Variants in CNTN1 observed in about 807,000 individuals in gnomAD.
CNTN1 encodes contactin-1.
Under a neutral mutation model 126.4 loss-of-function variants are expected in CNTN1, and 38 were observed. The ratio of observed to expected loss-of-function variants is 0.30; its 90% CI spans 0.23 to 0.39. The LOEUF is 0.39. Ranked by LOEUF, CNTN1 falls within the 10% of genes least tolerant of loss-of-function variation. The probability of loss-of-function intolerance (pLI) is 1.00; values close to 1 mark genes in which losing one functional copy is unlikely to be tolerated. For synonymous variants in CNTN1, 413 were observed against 422.6 expected (o/e 0.98, Z 0.28); for missense variants, 1,009 against 1,248.4 (o/e 0.81, Z 2.89).
chr12:40,911,404 G>A (rs1194465584), intron 3 of CNTN1, among the ~76,000 whole-genome samples: 3 of 152,108 alleles, frequency 2.0e-5, no homozygotes, highest in South Asian at 4.1e-4. Context: ...TTACATGGCC[G>A]CAGCAAAAGA....
chr12:40,698,123 G>T (rs897032690), intron 1 of CNTN1, among the ~76,000 whole-genome samples: 16 of 151,852 alleles, frequency 1.1e-4, no homozygotes, highest in Non-Finnish European at 1.8e-4. Flanking sequence ...ATGAGAGGCA[G>T]GTTTGCCCGG....
chr12:40,941,475 T>A (rs1946261368), intron 12 of CNTN1, among the ~76,000 whole-genome samples: 1 of 152,140 alleles, frequency 6.6e-6, no homozygotes, highest in Non-Finnish European at 1.5e-5. Flanking sequence ...TATTTCTGTA[T>A]CTGGTTAGTG....
At chr12:40,855,579 T>G (rs312269) in intron 1 of CNTN1, among the ~76,000 whole-genome samples, 81,760 of 151,798 alleles carry the variant, frequency 0.54, 23,013 homozygotes, top group African/African-American at 0.73. Context: ...AAACATTTCC[T>G]ATAAGGTTTT....
At chr12:41,012,949 C>CA (rs1948697214) in intron 17 of CNTN1, among the ~76,000 whole-genome samples, 1 of 152,090 alleles carries the variant, frequency 6.6e-6, no homozygotes, top group African/African-American at 2.4e-5. Context: ...GACATGGATA[C>CA]ACACAAGGAG....
chr12:40,751,080 G>A (rs140791845), intron 1 of CNTN1, among the ~76,000 whole-genome samples: 3 of 152,138 alleles, frequency 2.0e-5, no homozygotes, highest in African/African-American at 7.2e-5. Context: ...ATGACAAAAT[G>A]GACATTTATA....
At position 40,845,709 on chromosome 12, in the gene CNTN1, A is replaced by C. The variant is rs147986701; in HGVS notation, c.-76-62648A>C. ...GAGTTATATAAACTTTTCACCAATGAGATTCAGGGAGCATCCCACTTGGTG... is the reference window on the plus strand; with the variant it reads ...GAGTTATATAAACTTTTCACCAATGCGATTCAGGGAGCATCCCACTTGGTG... On this transcript the variant is annotated intron_variant, in intron 1 of 23. Coordinates refer to ENST00000551295, the MANE Select transcript of CNTN1 (RefSeq NM_001843.4). Among the ~76,000 whole-genome samples, 43 of 152,200 alleles carry C rather than the reference A, an allele frequency of 2.8e-4. 1 individual carries two copies. In the South Asian group the frequency reaches 6.4e-3, roughly 23 times the overall value.
intron 17 of CNTN1, chr12:41,005,111 G>A (rs978289581): frequency 6.6e-6 from 1 of 152,148 alleles, no homozygotes; most frequent in Admixed American, 6.5e-5. Context: ...AGGAGCTCTG[G>A]TAAGGCAGGT....
chr12:40,698,461 C>T (rs1849961661), intron 1 of CNTN1, among the ~76,000 whole-genome samples: 1 of 151,988 alleles, frequency 6.6e-6, no homozygotes, highest in Non-Finnish European at 1.5e-5. Context: ...TGGTCTTGAT[C>T]TCCTGACCTT....
At chr12:40,984,152 CAAT>C (rs900229003) in intron 16 of CNTN1, among the ~76,000 whole-genome samples, 41 of 151,206 alleles carry the variant, frequency 2.7e-4, no homozygotes, top group African/African-American at 9.9e-4. Flanking sequence ...GTCACAAACC[CAAT>C]AATCTTATAT....
At chr12:40,882,908 T>C (rs1429607729) in intron 1 of CNTN1, among the ~76,000 whole-genome samples, 1 of 151,724 alleles carries the variant, frequency 6.6e-6, no homozygotes, top group African/African-American at 2.4e-5. Flanking sequence ...TTCTTTGTGG[T>C]TTTATTATCT....
intron 1 of CNTN1, among the ~76,000 whole-genome samples, chr12:40,799,954 A>G (rs893461472): frequency 2.0e-5 from 3 of 152,038 alleles, no homozygotes; most frequent in African/African-American, 7.2e-5. Context: ...TATGACATTA[A>G]AGTCCAAAGT....
chr12:40,912,895 C>T (rs1393552098), intron 3 of CNTN1, among the ~76,000 whole-genome samples: 1 of 152,150 alleles, frequency 6.6e-6, no homozygotes, highest in African/African-American at 2.4e-5. Flanking sequence ...CTGAAACAGG[C>T]CAAGTTCTGG....
chr12:40,868,003 C>G (rs1484399568), intron 1 of CNTN1, among the ~76,000 whole-genome samples: 3 of 151,504 alleles, frequency 2.0e-5, no homozygotes, highest in Non-Finnish European at 4.4e-5. Flanking sequence ...ATTTTGGGAC[C>G]TGTTGTAATT....
At chr12:40,930,082 C>T (rs1178063944) in intron 7 of CNTN1, 80 bp downstream of exon 7, 18 of 1,154,020 alleles carry the variant, frequency 1.6e-5, no homozygotes, top group Non-Finnish European at 2.1e-5. Flanking sequence ...AAGAAATATC[C>T]AGTGAAGACT....
At chr12:40,933,364 T>G in intron 7 of CNTN1, 97 bp from the exon 8 acceptor site, 1 of 873,650 alleles carries the variant, frequency 1.1e-6, no homozygotes. Flanking sequence ...AAAGCTTCCA[T>G]GTTGGAGCAG....
At chr12:40,807,433 A>G (rs73114724) in intron 1 of CNTN1, among the ~76,000 whole-genome samples, 3,463 of 152,198 alleles carry the variant, frequency 0.023, 129 homozygotes, top group African/African-American at 0.078. Context: ...CCAAAGAGCT[A>G]GCATAAGGAG....
rs555017393 is a variant in CNTN1, at chr12:40,862,921, A to G, written c.-76-45436A>G. On this transcript the variant is annotated intron_variant, in intron 1 of 23. Transcript: ENST00000551295. ...TAATATTTTGAAATCTACCATTACTATAAACTAGAAGCATTTTTATATTTA... is the reference window on the plus strand; with the variant it reads ...TAATATTTTGAAATCTACCATTACTGTAAACTAGAAGCATTTTTATATTTA... 5.3e-5 allele frequency among the ~76,000 whole-genome samples: 8 copies of G among 152,322 alleles called. No individual in the cohort carries two copies. The South Asian group carries it at 1.4e-3, about 28-fold the overall frequency.
chr12:40,739,712 T>C (rs897810429), intron 1 of CNTN1, among the ~76,000 whole-genome samples: 1 of 151,858 alleles, frequency 6.6e-6, no homozygotes, highest in Non-Finnish European at 1.5e-5. Flanking sequence ...TTGACAGAGG[T>C]TGTTTACTAC....
chr12:40,841,685 A>AC (rs1222304674), intron 1 of CNTN1, among the ~76,000 whole-genome samples: 1 of 96,300 alleles, frequency 1.0e-5, no homozygotes, highest in Non-Finnish European at 2.3e-5. Flanking sequence ...ACCATATGAT[A>AC]TTCCAATAGA....
Sources: allele counts gnomAD v4.1 joint callset (sites outside exome capture counted in the v4.1 genomes callset), GRCh38; gene constraint gnomAD v4.1.1; transcripts MANE v1.5; gene names NCBI Gene and HGNC (gene_info 2026-07-23, HGNC 2026-07-21).